The following ZC3H7A variants were observed in gnomAD, a reference collection of about 807,000 sequenced individuals.
ZC3H7A encodes zinc finger CCCH-type containing 7A.
In ZC3H7A, 44 loss-of-function variants were observed where a neutral mutation model predicts 125.5. That is an observed-to-expected ratio of 0.35 (90% CI 0.28 to 0.45). The LOEUF (loss-of-function observed/expected upper bound fraction) is 0.45. ZC3H7A is among the 20% of genes least tolerant of loss of function. ZC3H7A has a pLI of 1.00. For missense variants in ZC3H7A, 977 were observed against 1,170.7 expected (o/e 0.83, Z 2.41); for synonymous variants, 399 against 391.2 (o/e 1.02, Z -0.23).
In ZC3H7A at chr16:11,781,484, T is replaced by C. The variant is rs115075866; in HGVS notation, c.69-20A>G. 42 of 1,601,392 alleles carry C rather than the reference T, an allele frequency of 2.6e-5. No homozygotes were observed. The African/African-American group carries it at 5.6e-4, about 21-fold the overall frequency. On this transcript the variant is annotated intron_variant, in intron 2 of 22. Coordinates refer to ENST00000355758, the MANE Select transcript of ZC3H7A (RefSeq NM_014153.4). ...GGTGACCTAAGAAGAAGAAACAAAT[T>C]AACTGTAATTATCAAGCTCCTTATC...
chr16:11,796,567 A>T, intron 1 of ZC3H7A: 1 of 153,722 alleles, frequency 6.5e-6, no homozygotes, highest in Non-Finnish European at 1.5e-5. Flanking sequence ...GGGAACTGAC[A>T]GGTCCCGGTC....
chr16:11,778,436 C>CAAAAA (rs754842530), intron 4 of ZC3H7A, among the ~76,000 whole-genome samples: 3 of 74,090 alleles, frequency 4.0e-5, no homozygotes, highest in African/African-American at 1.1e-4. Context: ...GACACTGTCT[C>CAAAAA]AAAAAAAAAA....
rs559442109 is a variant in ZC3H7A, at chr16:11,774,299, C to T, written c.840G>A (p.Met280Ile). 1.2e-6 allele frequency: 2 copies of T among 1,613,704 alleles called. No homozygotes were observed. The highest frequency in any genetic ancestry group is 2.7e-5 in the African/African-American group (2 of 75,062). The change falls in exon 9 of 23, where the codon ATG becomes ATA. Residue 280 changes from methionine to isoleucine, a missense_variant. This residue lies in a region of ZC3H7A where 342 missense variants were observed against 311.3 expected (regional missense o/e 1.10). Coordinates refer to ENST00000355758, the MANE Select transcript of ZC3H7A (RefSeq NM_014153.4). ...GGTCATCTAGTTCATCTCCAAGGAC[C>T]ATATCTCCATCATCTAGAAAAGCTT... ...MPEAFLDDGD[M>I]VLGDELDDLL...
intron 3 of ZC3H7A, among the ~76,000 whole-genome samples, chr16:11,780,060 G>C (rs1033248851): frequency 4.0e-5 from 6 of 151,358 alleles, no homozygotes; most frequent in African/African-American, 1.5e-4. Context: ...CTTTTAGCAT[G>C]TATAAAAGTT....
chr16:11,762,578 C>A, intron 17 of ZC3H7A, 93 bp downstream of exon 17: 1 of 1,139,844 alleles, frequency 8.8e-7, no homozygotes, highest in Non-Finnish European at 1.3e-6. Context: ...AGTAACTGGA[C>A]TGTAAGTGTT....
chr16:11,763,296 TGG>T (rs2141172609), intron 16 of ZC3H7A, 180 bp downstream of exon 16: 1 of 459,852 alleles, frequency 2.2e-6, no homozygotes, highest in Non-Finnish European at 3.7e-6. Context: ...TTTGTAGAGA[TGG>T]GGATTTTGCC....
chr16:11,786,502 C>T (rs1395016952), intron 1 of ZC3H7A, among the ~76,000 whole-genome samples: 2 of 152,160 alleles, frequency 1.3e-5, no homozygotes, highest in African/African-American at 2.4e-5. Context: ...AGCTATTTTC[C>T]CCAGAAAGTG....
rs1048959634 is a variant in ZC3H7A at position 11,774,376 on chromosome 16, G to A, written c.763C>T (p.Leu255=). The part of the protein sequence containing the change: ...ILPLQVEESA[L]PSAVLANGGK... ...CCATTTGCCAGCACTGCAGATGGCA[G>A]AGCGCTCTCTTCCACTTGTAGTGGC... Residue 255 remains leucine, a synonymous_variant, in exon 9 of 23, where the codon CTG becomes TTG. Coordinates refer to ENST00000355758, the MANE Select transcript of ZC3H7A (RefSeq NM_014153.4). The A allele has an allele frequency of 6.2e-7, 1 of 1,613,924 alleles. No individual in the cohort carries two copies. Among genetic ancestry groups the A allele is most frequent in the Non-Finnish European group, 8.5e-7 (1 of 1,179,904 alleles).
chr16:11,792,352 T>A (rs1380362076), intron 1 of ZC3H7A, among the ~76,000 whole-genome samples: 1 of 152,270 alleles, frequency 6.6e-6, no homozygotes. Flanking sequence ...TGAAGTTATG[T>A]AAGATCTCAA....
At position 11,779,087 on chromosome 16, in the gene ZC3H7A, T is replaced by C. The variant is rs550671713; in HGVS notation, c.306+79A>G. ...ATGACTTTCTTAAAAACTTAAGAAATTGACTTTTTATTAATGTACTAAGTC... is the reference window on the plus strand; with the variant it reads ...ATGACTTTCTTAAAAACTTAAGAAACTGACTTTTTATTAATGTACTAAGTC... On this transcript the variant is annotated intron_variant, in intron 4 of 22. Transcript: ENST00000355758. 2.9e-4 allele frequency: 351 copies of C among 1,212,332 alleles called. 1 individual carries two copies. In the African/African-American group the frequency reaches 4.6e-3, roughly 16 times the overall value. 75.1% of individuals were successfully genotyped at this position (1,212,332 alleles called of 1,614,324 possible).
chr16:11,768,411 C>T lies in ZC3H7A; in HGVS notation c.1264G>A (p.Ala422Thr). 1 of 1,594,698 alleles carries T rather than the reference C, an allele frequency of 6.3e-7. No homozygotes were observed. Among genetic ancestry groups the T allele is most frequent in the Non-Finnish European group, 8.6e-7 (1 of 1,167,820 alleles). The change falls in exon 12 of 23, where the codon GCA becomes ACA. Residue 422 changes from alanine (A) to threonine (T), a missense_variant. By Grantham distance (58) the Ala-to-Thr change is moderately conservative. Around this residue, in one of 3 missense-constraint regions of ZC3H7A, gnomAD observed 342 missense variants for 311.3 expected, o/e 1.10. Coordinates refer to ENST00000355758, the MANE Select transcript of ZC3H7A (RefSeq NM_014153.4). The part of the protein sequence containing the change: ...RNDFGNFFGS[A>T]VTKPSSSVTP... ...ACTGATGAAGATGGTTTGGTAACTG[C>T]ACTTCCAAAAAAGTTTCCAAAGTCA... is the stretch of plus-strand genomic sequence containing the variant.
intron 22 of ZC3H7A, 127 bp from the exon 23 acceptor site, chr16:11,751,633 C>A: frequency 1.1e-6 from 1 of 896,404 alleles, no homozygotes; most frequent in Admixed American, 3.2e-5. Flanking sequence ...GAATCTCAAG[C>A]CTAGAATGGT....
intron 1 of ZC3H7A, among the ~76,000 whole-genome samples, chr16:11,785,237 G>A (rs1028406317): frequency 3.3e-5 from 5 of 152,116 alleles, no homozygotes; most frequent in African/African-American, 1.2e-4. Flanking sequence ...TACTCAGGAG[G>A]CTGAGTTGGG....
chr16:11,761,700 C>A (rs2052755758), intron 18 of ZC3H7A, 189 bp from the exon 19 acceptor site: 2 of 847,140 alleles, frequency 2.4e-6, no homozygotes, highest in Admixed American at 6.3e-5. Context: ...AAACTCTAAA[C>A]AAATTGATAA....
intron 15 of ZC3H7A, 74 bp from the exon 16 acceptor site, chr16:11,763,733 A>AAAGTTC (rs2052796682): frequency 5.1e-4 from 8 of 15,818 alleles, no homozygotes; most frequent in Admixed American, 8.3e-4. Flanking sequence ...ATATATATAT[A>AAAGTTC]TATATATATA....
intron 1 of ZC3H7A, among the ~76,000 whole-genome samples, chr16:11,783,542 C>G (rs2053206879): frequency 6.6e-6 from 1 of 152,172 alleles, no homozygotes; most frequent in African/African-American, 2.4e-5. Context: ...TGTAGCCCCT[C>G]ACCCCAACCC....
chr16:11,774,698 C>T (rs2053050231), intron 8 of ZC3H7A, among the ~76,000 whole-genome samples, 179 bp from the exon 9 acceptor site: 1 of 152,196 alleles, frequency 6.6e-6, no homozygotes, highest in South Asian at 2.1e-4. Context: ...ACTTATCCTT[C>T]TTTCACAAAA....
intron 19 of ZC3H7A, among the ~76,000 whole-genome samples, chr16:11,760,122 G>GAAAGAAAAAA (rs2052722293): frequency 1.2e-5 from 1 of 82,532 alleles, no homozygotes. Context: ...AAGAAAAAAT[G>GAAAGAAAAAA]AAAAAAAAAA....
At chr16:11,774,910 A>T in intron 8 of ZC3H7A, 70 bp downstream of exon 8, 6 of 1,494,090 alleles carry the variant, frequency 4.0e-6, no homozygotes, top group Non-Finnish European at 5.6e-6. Flanking sequence ...TTGACAATAC[A>T]TCACATACAA....
Sources: allele counts gnomAD v4.1 joint callset (sites outside exome capture counted in the v4.1 genomes callset), GRCh38; gene constraint gnomAD v4.1.1; regional missense constraint gnomAD v4.1.1; transcripts MANE v1.5; gene names NCBI Gene and HGNC (gene_info 2026-07-23, HGNC 2026-07-21).